The following KYNU variants were observed in gnomAD, a reference collection of about 807,000 sequenced individuals.
The protein encoded by KYNU is L-kynurenine hydrolase.
KYNU carries 54 observed loss-of-function variants against 59.2 expected under a neutral mutation model. The observed-to-expected ratio is 0.91, with a 90% confidence interval of 0.73 to 1.14. The LOEUF (loss-of-function observed/expected upper bound fraction) is 1.14. Ranked by LOEUF, KYNU falls within the 50% of genes most tolerant of loss-of-function variation. KYNU has a pLI of 0.00. For missense variants in KYNU, 567 were observed against 554.4 expected (o/e 1.02, Z -0.23); for synonymous variants, 177 against 192.0 (o/e 0.92, Z 0.65).
chr2:142,939,094 G>T (rs1180479456), intron 4 of KYNU, among the ~76,000 whole-genome samples: 1 of 152,092 alleles, frequency 6.6e-6, no homozygotes, highest in African/African-American at 2.4e-5. Context: ...GCTGCAATGA[G>T]CCATGATTGC....
At chr2:142,925,544 C>G (rs1003766112) in intron 3 of KYNU, among the ~76,000 whole-genome samples, 1 of 152,174 alleles carries the variant, frequency 6.6e-6, no homozygotes, top group Non-Finnish European at 1.5e-5. Flanking sequence ...TCATGGGAAT[C>G]CTTTAAGGTC....
At chr2:142,985,896 T>A in intron 9 of KYNU, 52 bp from the exon 10 acceptor site, 1 of 1,232,970 alleles carries the variant, frequency 8.1e-7, no homozygotes, top group Non-Finnish European at 1.2e-6. Context: ...CATTGTTTAG[T>A]TTTGTCATAT....
At chr2:142,960,106 C>T (rs1684293611) in intron 7 of KYNU, among the ~76,000 whole-genome samples, 1 of 152,190 alleles carries the variant, frequency 6.6e-6, no homozygotes, top group Non-Finnish European at 1.5e-5. Flanking sequence ...AAGCTGGTCT[C>T]AAACTCCTTA....
At chr2:142,973,239 A>AGTCTACGTAATTGTCTCTCTT (rs1380126348) in intron 8 of KYNU, among the ~76,000 whole-genome samples, 1 of 151,874 alleles carries the variant, frequency 6.6e-6, no homozygotes, top group South Asian at 2.1e-4. Flanking sequence ...CTGTCTCTGT[A>AGTCTACGTAATTGTCTCTCTT]GTCTACGTAA....
intron 10 of KYNU, chr2:142,988,901 C>T: frequency 6.2e-7 from 1 of 1,604,904 alleles, no homozygotes; most frequent in South Asian, 1.1e-5. Flanking sequence ...AAGTCAAGGA[C>T]AAGGTATTTT....
In KYNU at chr2:142,927,721, G is replaced by A; in HGVS notation, c.353G>A (p.Gly118Asp). The A allele has an allele frequency of 6.2e-7, 1 of 1,611,564 alleles. No homozygotes were observed. The highest frequency in any genetic ancestry group is 8.5e-7 in the Non-Finnish European group (1 of 1,177,820). Residue 118 changes from glycine to aspartate, a missense_variant, in exon 4 of 14, where the codon GGC becomes GAC. Coordinates refer to ENST00000264170, the MANE Select transcript of KYNU (RefSeq NM_003937.3). ...ATTACAGGAGATGAGAGTATTGTAG[G>A]CCTTATGAAGGACATTGTAGGTAAG... ...PWITGDESIVGLMKDIVGANE... is the reference protein window; with the variant it reads ...PWITGDESIVDLMKDIVGANE...
chr2:143,030,793 TATC>T (rs10584849), intron 11 of KYNU, among the ~76,000 whole-genome samples: 97,007 of 151,510 alleles, frequency 0.64, 32,113 homozygotes, highest in Middle Eastern at 0.74. Context: ...AAGCTGAAAA[TATC>T]ATAAGTAAAA....
At chr2:142,967,625 A>T (rs935931238) in intron 8 of KYNU, 4 of 152,208 alleles carry the variant, frequency 2.6e-5, no homozygotes, top group African/African-American at 9.6e-5. Context: ...CCCAAACCAC[A>T]TTTAAATATG....
chr2:142,962,590 A>T (rs991193230), intron 8 of KYNU, among the ~76,000 whole-genome samples: 5 of 152,184 alleles, frequency 3.3e-5, no homozygotes, highest in Non-Finnish European at 7.4e-5. Context: ...GCCATTTGTT[A>T]AATGTTTTGC....
intron 1 of KYNU, among the ~76,000 whole-genome samples, chr2:142,880,281 A>G (rs563879565): frequency 2.6e-5 from 4 of 152,338 alleles, no homozygotes; most frequent in Non-Finnish European, 5.9e-5. Context: ...AGTAAGGCAG[A>G]AAAACATCTC....
chr2:142,910,383 G>A (rs1033054215), intron 2 of KYNU, among the ~76,000 whole-genome samples: 9 of 151,982 alleles, frequency 5.9e-5, no homozygotes, highest in East Asian at 1.9e-4. Flanking sequence ...TGATCTGCCC[G>A]CCTCTGCCTC....
At chr2:142,905,863 G>T (rs2104957319) in intron 2 of KYNU, among the ~76,000 whole-genome samples, 1 of 152,288 alleles carries the variant, frequency 6.6e-6, no homozygotes, top group African/African-American at 2.4e-5. Flanking sequence ...GGTAGTATTG[G>T]AGTATTATAG....
rs1371036406 is a variant in KYNU at position 143,033,286 on chromosome 2, A to G, written c.1006A>G (p.Ile336Val). 1.2e-6 allele frequency: 2 copies of G among 1,613,900 alleles called. No homozygotes were observed. Among genetic ancestry groups the G allele is most frequent in the Admixed American group, 1.7e-5 (1 of 60,016 alleles). Residue 336 changes from isoleucine to valine, a missense_variant, in exon 12 of 14, where the codon ATT becomes GTT. Transcript: ENST00000264170. ...VCGFRISNPP[I>V]LLVCSLHASL... ...TGGATTCCGAATTTCAAATCCTCCC[A>G]TTTTGTTGGTCTGTTCCTTGCATGC...
chr2:142,992,551 T>G (rs1685428620), intron 10 of KYNU, among the ~76,000 whole-genome samples: 1 of 151,914 alleles, frequency 6.6e-6, no homozygotes, highest in African/African-American at 2.4e-5. Flanking sequence ...TAAAATTGAT[T>G]TATTTAAGTG....
intron 11 of KYNU, among the ~76,000 whole-genome samples, chr2:143,032,711 TTGTGTGTGTGTGTGTGTG>T (rs61062901): frequency 7.7e-6 from 1 of 129,370 alleles, no homozygotes; most frequent in Admixed American, 8.1e-5. Context: ...GCTCCCTCTA[TTGTGTGTGTGTGTGTGTG>T]TGTGTGTGTG....
intron 4 of KYNU, among the ~76,000 whole-genome samples, chr2:142,934,557 G>A (rs796653980): frequency 3.9e-5 from 6 of 152,208 alleles, no homozygotes; most frequent in African/African-American, 1.4e-4. Context: ...GGGGTTTGGA[G>A]ACTTGTCTAT....
rs1685571250 is a variant in KYNU, at chr2:142,997,266, A to G, written c.902+11245A>G. 2.0e-5 allele frequency among the ~76,000 whole-genome samples: 3 copies of G among 152,122 alleles called. 1 individual carries two copies. In the South Asian group the frequency reaches 6.2e-4, roughly 32 times the overall value. ...CAAAACAAGATTTGTGGAAGTTTTG[A>G]CTCTATGAACCCTGATTATTTAATG... On this transcript the variant is annotated intron_variant, in intron 10 of 13. Transcript: ENST00000264170.
chr2:143,021,288 C>T (rs17808000), intron 10 of KYNU, among the ~76,000 whole-genome samples: 5,503 of 152,092 alleles, frequency 0.036, 134 homozygotes, highest in Non-Finnish European at 0.051. Context: ...GTTTCTCTAG[C>T]TTTATTAATA....
chr2:143,013,899 T>C (rs1252384937), intron 10 of KYNU, among the ~76,000 whole-genome samples: 1 of 152,202 alleles, frequency 6.6e-6, no homozygotes, highest in African/African-American at 2.4e-5. Context: ...ACCATTACAT[T>C]CTCCAAGATG....
Sources: allele counts gnomAD v4.1 joint callset (sites outside exome capture counted in the v4.1 genomes callset), GRCh38; gene constraint gnomAD v4.1.1; transcripts MANE v1.5; gene names NCBI Gene and HGNC (gene_info 2026-07-23, HGNC 2026-07-21).